DNAJC6: variants seen among roughly 807,000 people sequenced by gnomAD.
DNAJC6 encodes DnaJ heat shock protein family (Hsp40) member C6, also known as auxilin.
Under a neutral mutation model 110.0 loss-of-function variants are expected in DNAJC6, and 34 were observed. That is an observed-to-expected ratio of 0.31 (90% confidence interval 0.24 to 0.41). The LOEUF (loss-of-function observed/expected upper bound fraction) is 0.41, where lower values mean the gene tolerates loss of function less well. Among genes scored for constraint, DNAJC6 ranks in the 10% least tolerant of loss-of-function variants. DNAJC6 has a pLI of 1.00. For synonymous variants in DNAJC6, 406 were observed against 437.2 expected, an observed-to-expected ratio of 0.93 and a Z score of 0.89; for missense variants, 1,031 against 1,207.8, an observed-to-expected ratio of 0.85 and a Z score of 2.17.
rs747747727 is a variant in DNAJC6, at chr1:65,406,063, C to T, written c.2421C>T (p.Pro807=). 6.8e-6 allele frequency: 11 copies of T among 1,614,192 alleles called. No individual in the cohort carries two copies. In the Admixed American group the frequency reaches 1.3e-4, roughly 20 times the overall value. The change falls in exon 16 of 19, where the codon CCC becomes CCT. Residue 807 remains proline, a synonymous_variant. Transcript: ENST00000371069. ...CCCACTCCTCTCCCCAGAACCGACC[C>T]AACTACAACGTGAGCTTCTCAGCCA... The part of the protein sequence containing the change: ...SMPHSSPQNR[P]NYNVSFSAMP...
intron 14 of DNAJC6, 51 bp from the exon 15 acceptor site, chr1:65,401,710 A>G: frequency 6.3e-7 from 1 of 1,584,154 alleles, no homozygotes; most frequent in Non-Finnish European, 8.5e-7. Context: ...GAATTTCACA[A>G]TTCAGCCTCA....
intron 1 of DNAJC6, among the ~76,000 whole-genome samples, chr1:65,298,342 G>A (rs1352360664): frequency 1.3e-5 from 2 of 152,260 alleles, no homozygotes; most frequent in Admixed American, 6.5e-5. Flanking sequence ...AGGACAAGAA[G>A]CTGAATGAAT....
intron 4 of DNAJC6, among the ~76,000 whole-genome samples, chr1:65,372,115 G>A (rs1311168874): frequency 6.7e-6 from 1 of 150,304 alleles, no homozygotes; most frequent in African/African-American, 2.5e-5. Context: ...CCAACTTTTA[G>A]CTGAGACTCA....
intron 1 of DNAJC6, among the ~76,000 whole-genome samples, chr1:65,290,394 C>T (rs1176472904): frequency 6.6e-6 from 1 of 152,124 alleles, no homozygotes; most frequent in Non-Finnish European, 1.5e-5. Context: ...ACAGTTCCTA[C>T]TTTTTGAGTA....
chr1:65,265,049 C>T, intron 1 of DNAJC6: 1 of 882,548 alleles, frequency 1.1e-6, no homozygotes, highest in Non-Finnish European at 1.8e-6. Flanking sequence ...TTTAAAATTA[C>T]CATACCTATA....
chr1:65,351,101 T>A (rs570353407), intron 1 of DNAJC6, among the ~76,000 whole-genome samples: 1 of 152,276 alleles, frequency 6.6e-6, no homozygotes, highest in East Asian at 1.9e-4. Context: ...AGTTTTTGTA[T>A]TTTGATCCCT....
chr1:65,337,127 C>T (rs952459283), intron 1 of DNAJC6, among the ~76,000 whole-genome samples: 4 of 149,748 alleles, frequency 2.7e-5, no homozygotes, highest in South Asian at 2.2e-4. Flanking sequence ...TCTGTGTTCC[C>T]GGTAGATTAA....
At chr1:65,329,169 G>A (rs1255354967) in intron 1 of DNAJC6, among the ~76,000 whole-genome samples, 4 of 152,048 alleles carry the variant, frequency 2.6e-5, no homozygotes, top group African/African-American at 9.7e-5. Flanking sequence ...CCTGCACTTC[G>A]GCCACAGCAC....
chr1:65,377,261 T>C (rs1159976760), intron 4 of DNAJC6, among the ~76,000 whole-genome samples: 2 of 152,250 alleles, frequency 1.3e-5, no homozygotes, highest in Non-Finnish European at 1.5e-5. Context: ...AGAAAATACA[T>C]TGCAGACAGA....
intron 1 of DNAJC6, among the ~76,000 whole-genome samples, chr1:65,275,990 G>GCGAT (rs1314020219): frequency 2.7e-5 from 4 of 150,512 alleles, no homozygotes; most frequent in African/African-American, 9.8e-5. Flanking sequence ...CTGGGTTCAA[G>GCGAT]CGATCTTCAG....
chr1:65,393,614 C>T (rs1645950052), intron 12 of DNAJC6, among the ~76,000 whole-genome samples: 1 of 149,148 alleles, frequency 6.7e-6, no homozygotes, highest in Non-Finnish European at 1.5e-5. Context: ...AGACTCAAAC[C>T]TTCTACTATG....
chr1:65,337,903 C>A (rs1245053183), intron 1 of DNAJC6, among the ~76,000 whole-genome samples: 2 of 152,164 alleles, frequency 1.3e-5, no homozygotes, highest in African/African-American at 2.4e-5. Context: ...AATGGACCAT[C>A]TTTGGTCATG....
chr1:65,354,248 T>C (rs1645521138), intron 1 of DNAJC6, among the ~76,000 whole-genome samples: 1 of 152,136 alleles, frequency 6.6e-6, no homozygotes. Context: ...AAAGTACCTC[T>C]TGAAAGAGGC....
intron 15 of DNAJC6, among the ~76,000 whole-genome samples, chr1:65,403,621 A>AT (rs1363840050): frequency 2.6e-5 from 4 of 152,218 alleles, no homozygotes; most frequent in African/African-American, 7.2e-5. Flanking sequence ...AAGATGGAGC[A>AT]TTTTTTAAAA....
intron 1 of DNAJC6, among the ~76,000 whole-genome samples, chr1:65,277,689 G>T (rs1306854313): frequency 6.6e-6 from 1 of 152,220 alleles, no homozygotes; most frequent in Non-Finnish European, 1.5e-5. Context: ...TCAATGACTT[G>T]CTTTGGTGCT....
chr1:65,270,570 A>T (rs1023632263), intron 1 of DNAJC6, among the ~76,000 whole-genome samples: 2 of 152,180 alleles, frequency 1.3e-5, no homozygotes, highest in African/African-American at 4.8e-5. Flanking sequence ...ACCCTCTTTA[A>T]AGGGCAGATA....
intron 1 of DNAJC6, among the ~76,000 whole-genome samples, chr1:65,286,909 T>C (rs1324665434): frequency 6.6e-6 from 1 of 152,206 alleles, no homozygotes; most frequent in Non-Finnish European, 1.5e-5. Flanking sequence ...AGAGAGCTAA[T>C]AGATAGTGTA....
chr1:65,310,719 C>T (rs1175082513), intron 1 of DNAJC6, among the ~76,000 whole-genome samples: 1 of 152,172 alleles, frequency 6.6e-6, no homozygotes, highest in African/African-American at 2.4e-5. Flanking sequence ...CTGCTGTTGG[C>T]ATTTGCGATT....
chr1:65,337,702 G>C (rs772316596), intron 1 of DNAJC6, among the ~76,000 whole-genome samples: 3 of 152,126 alleles, frequency 2.0e-5, no homozygotes, highest in Non-Finnish European at 4.4e-5. Context: ...CATTTACATT[G>C]CAATGTAATA....
Sources: gnomAD v4.1 joint callset for allele counts (sites outside exome capture counted in the v4.1 genomes callset) on GRCh38, gnomAD v4.1.1 for gene constraint, MANE v1.5 for transcripts, NCBI Gene and HGNC (gene_info 2026-07-23, HGNC 2026-07-21) for gene names.